Variants in TNFRSF1B observed in about 807,000 individuals in gnomAD.
TNFRSF1B encodes TNF receptor superfamily member 1B.
TNFRSF1B carries 19 observed loss-of-function variants against 44.6 expected under a neutral mutation model. That is an observed-to-expected ratio of 0.43 (90% CI 0.30 to 0.62). The LOEUF (loss-of-function observed/expected upper bound fraction) is 0.62, where lower values mean the gene tolerates loss of function less well. Ranked by LOEUF, TNFRSF1B falls within the 20% of genes least tolerant of loss-of-function variation. TNFRSF1B has a pLI of 0.16. For synonymous variants in TNFRSF1B, 252 were observed against 261.1 expected (o/e 0.97, Z 0.34); for missense variants, 541 against 619.9 (o/e 0.87, Z 1.35).
chr1:12,183,998 T>C (rs1450718519), intron 1 of TNFRSF1B, among the ~76,000 whole-genome samples: 2 of 152,186 alleles, frequency 1.3e-5, no homozygotes, highest in South Asian at 2.1e-4. Flanking sequence ...TTTTGGAAGA[T>C]TGTAGTTTGC....
intron 1 of TNFRSF1B, among the ~76,000 whole-genome samples, chr1:12,183,687 T>G (rs1004928864): frequency 6.4e-4 from 81 of 127,238 alleles, no homozygotes; most frequent in African/African-American, 2.0e-3. Context: ...TATCTATCTA[T>G]CTATCTATCT....
intron 1 of TNFRSF1B, among the ~76,000 whole-genome samples, chr1:12,170,606 G>A (rs1157027731): frequency 6.6e-6 from 1 of 152,170 alleles, no homozygotes; most frequent in Non-Finnish European, 1.5e-5. Context: ...GCGTGGGAAG[G>A]GGAAGAGTTT....
intron 1 of TNFRSF1B, among the ~76,000 whole-genome samples, chr1:12,172,952 T>A (rs1187028738): frequency 6.6e-6 from 1 of 152,188 alleles, no homozygotes; most frequent in Non-Finnish European, 1.5e-5. Flanking sequence ...ATCTCCAACC[T>A]CTGTGCTGCT....
Position 12,180,425 on chromosome 1 carries a change from TAAGAG to T in TNFRSF1B, c.79-8367_79-8363del, listed in dbSNP as rs1417120980. Reference sequence around the variant, plus strand: ...TCCTTCCTCTCTCGCTATTTATAAATAAGAGAAGGCATTGAGGGCCCCCACCTCGG... The same window carrying T: ...TCCTTCCTCTCTCGCTATTTATAAATAAGGCATTGAGGGCCCCCACCTCGG... On this transcript the variant is annotated intron_variant, in intron 1 of 9. Transcript: ENST00000376259. This position sits in a 1 kb window ranked among gnomAD's most constrained non-coding sequence, Gnocchi z 4.3. 6.6e-6 allele frequency among the ~76,000 whole-genome samples: 1 copy of T among 152,178 alleles called. No homozygotes were observed.
chr1:12,206,684 C>T, intron 9 of TNFRSF1B, 56 bp from the exon 10 acceptor site: 1 of 1,496,792 alleles, frequency 6.7e-7, no homozygotes, highest in Non-Finnish European at 9.0e-7. Flanking sequence ...GCAGGGGTCC[C>T]TGGGCCCCAC....
chr1:12,183,722 TA>T (rs1288012637), intron 1 of TNFRSF1B, among the ~76,000 whole-genome samples: 24 of 106,242 alleles, frequency 2.3e-4, no homozygotes, highest in East Asian at 1.2e-3. Context: ...TCTATCTACC[TA>T]TCTATCTATC....
At position 12,194,953 on chromosome 1, in the gene TNFRSF1B, G is replaced by C. The variant is rs544627487; in HGVS notation, c.900+335G>C. On this transcript the variant is annotated intron_variant, in intron 8 of 9. Coordinates refer to ENST00000376259, the MANE Select transcript of TNFRSF1B (RefSeq NM_001066.3). Reference sequence around the variant, plus strand: ...ATGGGGGTTGTGTCTGCTCGATCCAGCCTGCAGGGTGGTGCCATTCGGTCA... The same window carrying C: ...ATGGGGGTTGTGTCTGCTCGATCCACCCTGCAGGGTGGTGCCATTCGGTCA... Among the ~76,000 whole-genome samples, 206 of 152,358 alleles carry C rather than the reference G, an allele frequency of 1.4e-3. 3 individuals are homozygous for C. Among genetic ancestry groups the C allele is most frequent in the Admixed American group, 3.6e-3 (55 of 15,314 alleles).
In TNFRSF1B at chr1:12,167,096, C is replaced by G; in HGVS notation, c.5C>G (p.Ala2Gly). ...AACCGGACCCCGCCCGCACCCATGG[C>G]GCCCGTCGCCGTCTGGGCCGCGCTG... MAPVAVWAALAV... is the reference protein window; with the variant it reads MGPVAVWAALAV... The change falls in exon 1 of 10, where the codon GCG becomes GGG. Residue 2 changes from alanine (A) to glycine (G), a missense_variant. Physicochemically the swap from Ala to Gly is moderately conservative, Grantham distance 60. Transcript: ENST00000376259. 8.3e-6 allele frequency: 11 copies of G among 1,331,912 alleles called. No homozygotes were observed. The highest frequency in any genetic ancestry group is 1.1e-5 in the Non-Finnish European group (11 of 1,038,478). The allele number at this position is 1,331,912 out of a possible 1,614,324, so 82.5% of individuals were successfully genotyped here. A position where few individuals can be genotyped will look rare whatever the true frequency, so the allele number is the denominator to read the frequency against.
At chr1:12,190,346 C>G (rs1357777159) in intron 2 of TNFRSF1B, among the ~76,000 whole-genome samples, 1 of 150,734 alleles carries the variant, frequency 6.6e-6, no homozygotes, top group Non-Finnish European at 1.5e-5. Context: ...GTAATCCCAG[C>G]TACTTGGGAG....
chr1:12,172,261 C>T (rs1638539431), intron 1 of TNFRSF1B, among the ~76,000 whole-genome samples: 1 of 152,220 alleles, frequency 6.6e-6, no homozygotes, highest in African/African-American at 2.4e-5. Context: ...GCACTGATGA[C>T]TCTGGGGAAA....
intron 3 of TNFRSF1B, 88 bp from the exon 4 acceptor site, chr1:12,191,686 G>A: frequency 2.6e-6 from 4 of 1,558,266 alleles, no homozygotes; most frequent in East Asian, 2.3e-5. Context: ...CTGGAGATCC[G>A]CTGTCTGAGA....
Position 12,171,462 on chromosome 1 carries a change from A to C in TNFRSF1B, c.78+4293A>C, listed in dbSNP as rs1638522242. 6.6e-6 allele frequency among the ~76,000 whole-genome samples: 1 copy of C among 152,196 alleles called. No homozygotes were observed. The highest frequency in any genetic ancestry group is 1.5e-5 in the Non-Finnish European group (1 of 68,034). ...TCCTTCCCTCGCTTCCTTCTGCTGA[A>C]GTAGACAATCCTGCCTGTAGGTGCT... On this transcript the variant is annotated intron_variant, in intron 1 of 9. Coordinates refer to ENST00000376259, the MANE Select transcript of TNFRSF1B (RefSeq NM_001066.3). The surrounding 1 kb of genome is among the most constrained non-coding windows in gnomAD (Gnocchi z 4.5).
chr1:12,191,765 C>T lies in TNFRSF1B; in HGVS notation c.308-9C>T. ...GGCGTGACCGTTTGCCGCCCTCTCGCTGCTCTAGACCAGGTGGAAACTCAA... is the reference window on the plus strand; with the variant it reads ...GGCGTGACCGTTTGCCGCCCTCTCGTTGCTCTAGACCAGGTGGAAACTCAA... On this transcript the variant is annotated splice_polypyrimidine_tract_variant and intron_variant, in intron 3 of 9. Coordinates refer to ENST00000376259, the MANE Select transcript of TNFRSF1B (RefSeq NM_001066.3). 4.3e-6 allele frequency: 7 copies of T among 1,613,266 alleles called. No individual in the cohort carries two copies. The highest frequency in any genetic ancestry group is 5.9e-6 in the Non-Finnish European group (7 of 1,179,738).
rs772504515 is a variant in TNFRSF1B at position 12,174,267 on chromosome 1, T to TTTTTTA, written c.78+7098_78+7099insTTTTTA. On this transcript the variant is annotated intron_variant, in intron 1 of 9. Transcript: ENST00000376259. ...CTCCTTCTCCTTCTCCTTCTTCTTC[T>TTTTTTA]GATGGAGTCTGACTCCGTTGCCCAG... 6.0e-4 allele frequency among the ~76,000 whole-genome samples: 87 copies of TTTTTTA among 144,938 alleles called. 2 individuals carry two copies. Among genetic ancestry groups the TTTTTTA allele is most frequent in the Non-Finnish European group, 8.0e-4 (52 of 64,958 alleles).
At position 12,178,682 on chromosome 1, in the gene TNFRSF1B, G is replaced by A. The variant is rs1638720001; in HGVS notation, c.79-10114G>A. Among the ~76,000 whole-genome samples, 1 of 152,170 alleles carries A rather than the reference G, an allele frequency of 6.6e-6. No homozygotes were observed. Among genetic ancestry groups the A allele is most frequent in the Non-Finnish European group, 1.5e-5 (1 of 68,026 alleles). On this transcript the variant is annotated intron_variant, in intron 1 of 9. Transcript: ENST00000376259. The surrounding 1 kb of genome is among the most constrained non-coding windows in gnomAD (Gnocchi z 4.3). ...TGAGAAGTCAGCACTGCCAGGTCGG[G>A]GGTGGCGGGTCAGGACGTTTGGGCA...
In TNFRSF1B at chr1:12,209,058, C is replaced by T. The variant is rs929725215; in HGVS notation, c.*2038C>T. 2 of 152,248 alleles carry T rather than the reference C, an allele frequency of 1.3e-5. No individual in the cohort carries two copies. Among genetic ancestry groups the T allele is most frequent in the African/African-American group, 4.8e-5 (2 of 41,420 alleles). The allele number at this position is 152,248 out of a possible 1,614,324, so 9.4% of individuals were successfully genotyped here. On this transcript the variant is annotated 3_prime_UTR_variant, in exon 10 of 10. Transcript: ENST00000376259. ...CCCCTGGTGGACAGTCCTGGGAGAA[C>T]CTCAGGCTTCCTTGGCATCACAGGG...
At chr1:12,172,696 G>A (rs551739535) in intron 1 of TNFRSF1B, among the ~76,000 whole-genome samples, 42 of 152,220 alleles carry the variant, frequency 2.8e-4, no homozygotes, top group Non-Finnish European at 5.4e-4. Context: ...CTGCCCCAGT[G>A]CCCCCTGGCT....
Position 12,187,362 on chromosome 1 carries a change from A to G in TNFRSF1B, c.79-1434A>G, listed in dbSNP as rs1163580801. Among the ~76,000 whole-genome samples the G allele has an allele frequency of 6.6e-6, 1 of 152,168 alleles. No homozygotes were observed. Among genetic ancestry groups the G allele is most frequent in the African/African-American group, 2.4e-5 (1 of 41,446 alleles). On this transcript the variant is annotated intron_variant, in intron 1 of 9. Coordinates refer to ENST00000376259, the MANE Select transcript of TNFRSF1B (RefSeq NM_001066.3). This position sits in a 1 kb window ranked among gnomAD's most constrained non-coding sequence, Gnocchi z 5.5. ...GAGACAGGGTTTTGCCTTGTTGGCC[A>G]GGCTGGTCTCGAACTCTTGACCTCA...
chr1:12,180,106 C>T lies in TNFRSF1B; in HGVS notation c.79-8690C>T, dbSNP rs914860478. Among the ~76,000 whole-genome samples the T allele has an allele frequency of 2.0e-5, 3 of 151,898 alleles. No homozygotes were observed. Among genetic ancestry groups the T allele is most frequent in the African/African-American group, 4.8e-5 (2 of 41,370 alleles). On this transcript the variant is annotated intron_variant, in intron 1 of 9. Transcript: ENST00000376259. The surrounding 1 kb of genome is among the most constrained non-coding windows in gnomAD (Gnocchi z 4.3). ...GGAGCATGACCTCTTCCCAAGGGTA[C>T]GGCATCTAAAAGGGATCTCCGGAAC...
Sources: allele counts gnomAD v4.1 joint callset (sites outside exome capture counted in the v4.1 genomes callset), GRCh38; gene constraint gnomAD v4.1.1; non-coding constraint Gnocchi (gnomAD v3.1); transcripts MANE v1.5; gene names NCBI Gene and HGNC (gene_info 2026-07-23, HGNC 2026-07-21).